The following CACNA2D1 variants were observed in gnomAD, a reference collection of about 807,000 sequenced individuals.
CACNA2D1 encodes voltage-dependent calcium channel subunit alpha-2/delta-1.
Under a neutral mutation model 171.5 loss-of-function variants are expected in CACNA2D1, and 53 were observed. The ratio of observed to expected loss-of-function variants is 0.31; its 90% CI spans 0.25 to 0.39. The LOEUF is 0.39. CACNA2D1 is among the 10% of genes least tolerant of loss of function. The pLI is 1.00. For synonymous variants in CACNA2D1, 442 were observed against 443.1 expected (o/e 1.00, Z 0.03); for missense variants, 903 against 1,299.8 (o/e 0.69, Z 4.69).
intron 7 of CACNA2D1, 129 bp from the exon 8 acceptor site, chr7:82,066,653 G>T (rs546259771): frequency 7.4e-7 from 1 of 1,342,678 alleles, no homozygotes; most frequent in African/African-American, 1.5e-5. Context: ...GTTCAAATGA[G>T]AGATATCATT....
chr7:82,060,551 TAC>T, intron 9 of CACNA2D1, 24 bp from the exon 10 acceptor site: 1 of 1,309,108 alleles, frequency 7.6e-7, no homozygotes, highest in Non-Finnish European at 1.1e-6. Flanking sequence ...AATGGGTCCA[TAC>T]ATGTTACTCA....
chr7:82,009,833 G>T (rs1018982750), intron 15 of CACNA2D1, among the ~76,000 whole-genome samples: 3 of 151,950 alleles, frequency 2.0e-5, no homozygotes, highest in Non-Finnish European at 4.4e-5. Context: ...AATAAAACAA[G>T]ATTTCTCTAC....
intron 1 of CACNA2D1, among the ~76,000 whole-genome samples, chr7:82,389,039 C>T (rs1824764924): frequency 6.6e-6 from 1 of 151,526 alleles, no homozygotes; most frequent in African/African-American, 2.4e-5. Context: ...TCACTTTAAC[C>T]TGGGAGGTGG....
At position 81,966,918 on chromosome 7, in the gene CACNA2D1, G is replaced by A. The variant is rs118067286; in HGVS notation, c.2502+251C>T. Among the ~76,000 whole-genome samples the A allele has an allele frequency of 6.4e-3, 965 of 151,476 alleles. 7 individuals carry two copies. The highest frequency in any genetic ancestry group is 0.01 in the Non-Finnish European group (683 of 67,590). On this transcript the variant is annotated intron_variant, in intron 31 of 38. Transcript: ENST00000356860. Reference sequence around the variant, plus strand: ...AAAAGAATGTAACACAGTTGAGACCGAAGAGAACCATCATATTGACATGAC... The same window carrying A: ...AAAAGAATGTAACACAGTTGAGACCAAAGAGAACCATCATATTGACATGAC...
At chr7:82,006,905 T>A (rs1799176509) in intron 16 of CACNA2D1, among the ~76,000 whole-genome samples, 1 of 152,130 alleles carries the variant, frequency 6.6e-6, no homozygotes, top group Non-Finnish European at 1.5e-5. Flanking sequence ...CATGAAACCA[T>A]AAACTGGAAA....
At chr7:82,385,527 T>C (rs1485116880) in intron 1 of CACNA2D1, among the ~76,000 whole-genome samples, 1 of 152,234 alleles carries the variant, frequency 6.6e-6, no homozygotes, top group African/African-American at 2.4e-5. Context: ...AACCTGTTGT[T>C]TTAATGCTAA....
intron 36 of CACNA2D1, among the ~76,000 whole-genome samples, chr7:81,960,334 C>T (rs557729113): frequency 1.6e-4 from 25 of 152,066 alleles, no homozygotes; most frequent in African/African-American, 5.8e-4. Flanking sequence ...ACTAGCCACT[C>T]GAGGGTATTG....
At chr7:81,986,219 A>G (rs1273566674) in intron 21 of CACNA2D1, among the ~76,000 whole-genome samples, 1 of 152,220 alleles carries the variant, frequency 6.6e-6, no homozygotes, top group African/African-American at 2.4e-5. Context: ...ACTACTTTCC[A>G]AAAGTAATAC....
chr7:82,324,733 T>C (rs1183210917), intron 3 of CACNA2D1, among the ~76,000 whole-genome samples: 1 of 152,176 alleles, frequency 6.6e-6, no homozygotes, highest in Non-Finnish European at 1.5e-5. Flanking sequence ...ATCTCCCACT[T>C]AAGCAGTAAT....
intron 3 of CACNA2D1, among the ~76,000 whole-genome samples, chr7:82,202,200 C>G (rs762546815): frequency 6.6e-6 from 1 of 152,232 alleles, no homozygotes; most frequent in Non-Finnish European, 1.5e-5. Flanking sequence ...GCTGTACATA[C>G]GGCTTGCACC....
chr7:82,308,624 A>G (rs1814041113), intron 3 of CACNA2D1, among the ~76,000 whole-genome samples: 1 of 152,058 alleles, frequency 6.6e-6, no homozygotes, highest in Non-Finnish European at 1.5e-5. Context: ...CTATAAGAAA[A>G]CTCTCCATTT....
intron 3 of CACNA2D1, among the ~76,000 whole-genome samples, chr7:82,296,124 G>A (rs1053916384): frequency 2.0e-5 from 3 of 151,814 alleles, no homozygotes; most frequent in Non-Finnish European, 4.4e-5. Context: ...TGGGGGAAGG[G>A]GGGAGGGATA....
At chr7:82,324,448 G>A (rs2129441330) in intron 3 of CACNA2D1, among the ~76,000 whole-genome samples, 1 of 151,046 alleles carries the variant, frequency 6.6e-6, no homozygotes, top group South Asian at 2.1e-4. Context: ...AGAACAAAAT[G>A]TTACGAAAAT....
At chr7:82,388,062 CAAA>C (rs772179078) in intron 1 of CACNA2D1, among the ~76,000 whole-genome samples, 2 of 79,214 alleles carry the variant, frequency 2.5e-5, no homozygotes. Flanking sequence ...ACCCTGTCTC[CAAA>C]AAAAAAAAAA....
chr7:82,058,938 G>C (rs1171902580), intron 10 of CACNA2D1, among the ~76,000 whole-genome samples: 2 of 152,040 alleles, frequency 1.3e-5, no homozygotes, highest in Non-Finnish European at 2.9e-5. Context: ...CCTACTCTTA[G>C]GCCGCGATAC....
At chr7:81,957,216 T>C (rs1340305120) in intron 38 of CACNA2D1, among the ~76,000 whole-genome samples, 1 of 152,136 alleles carries the variant, frequency 6.6e-6, no homozygotes, top group African/African-American at 2.4e-5. Flanking sequence ...GTCTCTGTAA[T>C]GACAATTTTT....
chr7:82,118,858 T>G (rs755868671), intron 5 of CACNA2D1, among the ~76,000 whole-genome samples: 3 of 152,042 alleles, frequency 2.0e-5, no homozygotes, highest in Non-Finnish European at 4.4e-5. Flanking sequence ...TAGTGCTATT[T>G]CCATGGTTCT....
In CACNA2D1 at chr7:82,021,545, A is replaced by T. The variant is rs995692060; in HGVS notation, c.1144-7066T>A. The stretch of plus-strand genomic sequence containing the variant: ...TTAGGAGCATATTTATTGCCTATGT[A>T]CTGATATGACCAACATATCTGCTAG... On this transcript the variant is annotated intron_variant, in intron 12 of 38. Transcript: ENST00000356860. Among the ~76,000 whole-genome samples, 3 of 152,090 alleles carry T rather than the reference A, an allele frequency of 2.0e-5. No homozygotes were observed. In the Admixed American group the frequency reaches 2.0e-4, roughly 10 times the overall value.
chr7:81,981,908 TA>T (rs1406402084), intron 24 of CACNA2D1, among the ~76,000 whole-genome samples: 1 of 152,216 alleles, frequency 6.6e-6, no homozygotes, highest in Non-Finnish European at 1.5e-5. Context: ...ATTAGACCAT[TA>T]AAAAAATCCA....
Sources: allele counts gnomAD v4.1 joint callset (sites outside exome capture counted in the v4.1 genomes callset), GRCh38; gene constraint gnomAD v4.1.1; transcripts MANE v1.5; gene names NCBI Gene and HGNC (gene_info 2026-07-23, HGNC 2026-07-21).